The following BEND6 variants were observed in gnomAD, a reference collection of about 807,000 sequenced individuals.
BEND6 encodes BEN domain-containing protein 6.
Under a neutral mutation model 31.8 loss-of-function variants are expected in BEND6, and 24 were observed. That is an observed-to-expected ratio of 0.75 (90% CI 0.55 to 1.06). BEND6 has a LOEUF of 1.06. BEND6 is among the 50% of genes least tolerant of loss of function. The pLI, the probability that BEND6 is intolerant of heterozygous loss-of-function variation, is 0.00. For missense variants in BEND6, 294 were observed against 327.4 expected, an observed-to-expected ratio of 0.90 and a Z score of 0.79; for synonymous variants, 109 against 114.6, an observed-to-expected ratio of 0.95 and a Z score of 0.31.
chr6:56,984,451 T>C (rs1826185444), intron 2 of BEND6, among the ~76,000 whole-genome samples: 1 of 152,210 alleles, frequency 6.6e-6, no homozygotes, highest in Non-Finnish European at 1.5e-5. Flanking sequence ...TTAGCATTAA[T>C]ATCCAAATTT....
chr6:57,020,898 C>T (rs1332808278), intron 6 of BEND6, among the ~76,000 whole-genome samples: 1 of 149,628 alleles, frequency 6.7e-6, no homozygotes, highest in Non-Finnish European at 1.5e-5. Context: ...TCATCTCTGA[C>T]TATATCAGCC....
intron 1 of BEND6, among the ~76,000 whole-genome samples, chr6:56,966,631 G>T (rs543731068): frequency 1.3e-5 from 2 of 152,330 alleles, no homozygotes; most frequent in South Asian, 4.1e-4. Context: ...AGCAGGTGAA[G>T]ATTGCCTTCC....
At chr6:56,984,603 G>A (rs1241203389) in intron 2 of BEND6, among the ~76,000 whole-genome samples, 1 of 152,134 alleles carries the variant, frequency 6.6e-6, no homozygotes, top group Admixed American at 6.5e-5. Flanking sequence ...TCTTTAGCAA[G>A]AACTTAATAG....
At chr6:56,997,614 C>T (rs1032046315) in intron 3 of BEND6, among the ~76,000 whole-genome samples, 8 of 152,156 alleles carry the variant, frequency 5.3e-5, no homozygotes, top group Non-Finnish European at 1.2e-4. Context: ...AGTGCAGTGG[C>T]GCAATCTCGG....
chr6:56,958,400 C>T (rs1562531902), intron 1 of BEND6, among the ~76,000 whole-genome samples: 1 of 152,126 alleles, frequency 6.6e-6, no homozygotes, highest in Non-Finnish European at 1.5e-5. Context: ...GAAAAGTTTC[C>T]ACCCTAAGCT....
intron 1 of BEND6, among the ~76,000 whole-genome samples, chr6:56,973,612 A>T (rs1825769302): frequency 1.3e-5 from 2 of 152,194 alleles, no homozygotes; most frequent in Admixed American, 1.3e-4. Flanking sequence ...TAAGTATGGT[A>T]ATGATGTGAG....
At chr6:57,024,672 A>G (rs111549530) in intron 6 of BEND6, among the ~76,000 whole-genome samples, 2 of 152,000 alleles carry the variant, frequency 1.3e-5, no homozygotes, top group Non-Finnish European at 1.5e-5. Flanking sequence ...AATTTGTTAC[A>G]TGCTTTTGGG....
rs76520248 is a variant in BEND6 at position 56,981,400 on chromosome 6, G to A, written c.-100-311G>A. On this transcript the variant is annotated intron_variant, in intron 1 of 6. Coordinates refer to ENST00000370746, the MANE Select transcript of BEND6 (RefSeq NM_152731.3). ...TCTGTGATACTGTTTTTATAAATTT[G>A]TAATGTTTCTAGTTTCGTAGACTCC... Among the ~76,000 whole-genome samples the A allele has an allele frequency of 9.4e-3, 1,436 of 152,184 alleles. 22 individuals are homozygous for A. Among genetic ancestry groups the A allele is most frequent in the African/African-American group, 0.033 (1,358 of 41,506 alleles).
At chr6:56,991,138 A>T (rs1228644726) in intron 2 of BEND6, among the ~76,000 whole-genome samples, 1 of 152,210 alleles carries the variant, frequency 6.6e-6, no homozygotes, top group African/African-American at 2.4e-5. Context: ...AAATAAATTA[A>T]TTAAGCCTTC....
At chr6:57,012,320 T>A (rs1389570739) in intron 3 of BEND6, among the ~76,000 whole-genome samples, 1 of 152,164 alleles carries the variant, frequency 6.6e-6, no homozygotes, top group African/African-American at 2.4e-5. Flanking sequence ...AAAAGGAGAA[T>A]ATACTGTTTG....
intron 1 of BEND6, among the ~76,000 whole-genome samples, chr6:56,968,775 A>T (rs1230590130): frequency 6.6e-6 from 1 of 152,096 alleles, no homozygotes; most frequent in Non-Finnish European, 1.5e-5. Context: ...TATTTATGTC[A>T]TTTGAAAATG....
At chr6:57,019,746 C>G (rs1207169503) in intron 6 of BEND6, among the ~76,000 whole-genome samples, 1 of 152,216 alleles carries the variant, frequency 6.6e-6, no homozygotes, top group Non-Finnish European at 1.5e-5. Flanking sequence ...CTTGTAACAA[C>G]TGCAGTGAAA....
Position 56,992,459 on chromosome 6 carries a change from G to A in BEND6, c.202G>A (p.Glu68Lys), listed in dbSNP as rs1314164842. ...AGAGCCTTTAGCAGAATTGTCAAAGGAAGAATTGTGCGCCAAAATAAAAAG... is the reference window on the plus strand; with the variant it reads ...AGAGCCTTTAGCAGAATTGTCAAAGAAAGAATTGTGCGCCAAAATAAAAAG... ...DEEPLAELSK[E>K]ELCAKIKSLK... is the part of the protein sequence containing the mutation. Residue 68 changes from glutamate to lysine, a missense_variant, in exon 3 of 7, where the codon GAA becomes AAA. Transcript: ENST00000370746. 2 of 1,614,112 alleles carry A rather than the reference G, an allele frequency of 1.2e-6. No individual in the cohort carries two copies. Among genetic ancestry groups the A allele is most frequent in the Non-Finnish European group, 1.7e-6 (2 of 1,180,000 alleles).
chr6:56,981,728 G>A lies in BEND6; in HGVS notation c.-83G>A. 1 of 1,492,360 alleles carries A rather than the reference G, an allele frequency of 6.7e-7. No homozygotes were observed. The highest frequency in any genetic ancestry group is 9.1e-7 in the Non-Finnish European group (1 of 1,103,566). 92.4% of individuals were successfully genotyped at this position (1,492,360 alleles called of 1,614,324 possible). A position where few individuals can be genotyped will look rare whatever the true frequency, so the allele number is the denominator to read the frequency against. ...TTTTTAAGGGAAAGCATTAACTTTT[G>A]AGCTACGTCCAGAATAGCATCATCT... On this transcript the variant is annotated 5_prime_UTR_variant, in exon 2 of 7. Transcript: ENST00000370746.
chr6:56,991,314 AG>A (rs1826489385), intron 2 of BEND6, among the ~76,000 whole-genome samples: 1 of 151,610 alleles, frequency 6.6e-6, no homozygotes, highest in African/African-American at 2.4e-5. Flanking sequence ...TTTAGGCTCT[AG>A]GGATTGAAAA....
chr6:56,989,510 G>A (rs1826412927), intron 2 of BEND6, among the ~76,000 whole-genome samples: 1 of 152,134 alleles, frequency 6.6e-6, no homozygotes, highest in South Asian at 2.1e-4. Flanking sequence ...TAGGTAAATG[G>A]TAAACTTTAC....
At chr6:56,980,123 A>G (rs1826018131) in intron 1 of BEND6, among the ~76,000 whole-genome samples, 1 of 152,218 alleles carries the variant, frequency 6.6e-6, no homozygotes, top group African/African-American at 2.4e-5. Context: ...GGAAGCCAGC[A>G]GGGATTCCCT....
intron 1 of BEND6, among the ~76,000 whole-genome samples, chr6:56,972,948 A>G (rs1017482858): frequency 6.6e-6 from 1 of 152,192 alleles, no homozygotes; most frequent in Non-Finnish European, 1.5e-5. Context: ...GTGGCCCTAT[A>G]AGATAGACAT....
At chr6:56,965,771 T>A (rs1387472918) in intron 1 of BEND6, among the ~76,000 whole-genome samples, 1 of 151,164 alleles carries the variant, frequency 6.6e-6, no homozygotes, top group Non-Finnish European at 1.5e-5. Flanking sequence ...TTTCATATTA[T>A]AATTGATTAG....
Sources: gnomAD v4.1 joint callset for allele counts (sites outside exome capture counted in the v4.1 genomes callset) on GRCh38, gnomAD v4.1.1 for gene constraint, MANE v1.5 for transcripts, NCBI Gene and HGNC (gene_info 2026-07-23, HGNC 2026-07-21) for gene names.